Variants in COL4A5 observed in about 807,000 individuals in gnomAD.
COL4A5 encodes collagen type IV alpha 5 chain.
A neutral mutation model predicts 130.2 loss-of-function variants in COL4A5; 26 were observed. That is an observed-to-expected ratio of 0.20 (90% CI 0.15 to 0.28). The LOEUF is 0.28. Among genes scored for constraint, COL4A5 ranks in the 10% least tolerant of loss-of-function variants. The pLI is 1.00. For synonymous variants in COL4A5, 496 were observed against 439.6 expected, an observed-to-expected ratio of 1.13 and a Z score of -1.60; for missense variants, 1,131 against 1,344.3, an observed-to-expected ratio of 0.84 and a Z score of 2.48.
At chrX:108,562,826 A>C in intron 3 of COL4A5, among the ~76,000 whole-genome samples, 1 of 111,723 alleles carries the variant, frequency 9.0e-6, no homozygotes, top group Non-Finnish European at 1.9e-5. Context: ...AATCAAATTT[A>C]GTTAATTTTG....
At position 108,547,667 on chromosome X, in the gene COL4A5, T is replaced by A. The variant is rs781394461; in HGVS notation, c.141+7862T>A. On this transcript the variant is annotated intron_variant, in intron 2 of 52. Coordinates refer to ENST00000328300, the MANE Select transcript of COL4A5 (RefSeq NM_033380.3). ...ATAGGGACATGTAAGTCTGCAGAGG[T>A]TTCTGCTGCCTTTTGTTCAGCTATG... Among the ~76,000 whole-genome samples, 10 of 111,666 alleles carry A rather than the reference T, an allele frequency of 9.0e-5. No homozygotes were observed. In the South Asian group the frequency reaches 3.8e-3, roughly 42 times the overall value.
intron 1 of COL4A5, among the ~76,000 whole-genome samples, chrX:108,474,834 C>T (rs745496437): frequency 1.9e-4 from 21 of 111,573 alleles, no homozygotes; most frequent in African/African-American, 5.5e-4. Flanking sequence ...GTTTTCTCAA[C>T]GTCATTTATT....
chrX:108,566,296 A>AT (rs1447056470), intron 4 of COL4A5, among the ~76,000 whole-genome samples: 2 of 107,386 alleles, frequency 1.9e-5, no homozygotes, highest in East Asian at 2.9e-4. Flanking sequence ...AATTTTAGTC[A>AT]TTTTTTTGAA....
chrX:108,643,408 C>T (rs774278991), intron 36 of COL4A5, among the ~76,000 whole-genome samples: 19 of 111,424 alleles, frequency 1.7e-4, no homozygotes, highest in African/African-American at 4.6e-4. Flanking sequence ...CTAGGGACAT[C>T]GTCATCAGGT....
rs185620683 is a variant in COL4A5, at chrX:108,630,376, T to A, written c.3246+4027T>A. 1.1e-4 allele frequency among the ~76,000 whole-genome samples: 12 copies of A among 112,091 alleles called. No homozygotes were observed. The East Asian group carries it at 3.4e-3, about 32-fold the overall frequency. Reference sequence around the variant, plus strand: ...TAACTGGTGTGAGATGGTATCTCATTGTGGTTTTGATTTGCATTTCTCTGA... The same window carrying A: ...TAACTGGTGTGAGATGGTATCTCATAGTGGTTTTGATTTGCATTTCTCTGA... On this transcript the variant is annotated intron_variant, in intron 36 of 52. Transcript: ENST00000328300.
At chrX:108,574,049 T>C (rs1330182279) in intron 9 of COL4A5, among the ~76,000 whole-genome samples, 5 of 111,774 alleles carry the variant, frequency 4.5e-5, no homozygotes, top group Admixed American at 1.9e-4. Flanking sequence ...TATGAACATA[T>C]TTTGAAGGCT....
At chrX:108,507,666 G>A (rs916766121) in intron 1 of COL4A5, among the ~76,000 whole-genome samples, 9 of 111,007 alleles carry the variant, frequency 8.1e-5, no homozygotes, top group Middle Eastern at 4.2e-3. Context: ...ACATTAGCTG[G>A]GCATGGCAGC....
chrX:108,482,336 T>C (rs964432479), intron 1 of COL4A5, among the ~76,000 whole-genome samples: 2 of 111,200 alleles, frequency 1.8e-5, no homozygotes, highest in Non-Finnish European at 3.8e-5. Context: ...AATGGAGGTG[T>C]TGGGGGTAGC....
chrX:108,454,923 A>G (rs750860773), intron 1 of COL4A5, among the ~76,000 whole-genome samples: 1 of 111,796 alleles, frequency 8.9e-6, no homozygotes, highest in African/African-American at 3.2e-5. Flanking sequence ...TACTTCTATG[A>G]TTTTAAAGCA....
intron 42 of COL4A5, among the ~76,000 whole-genome samples, chrX:108,671,194 G>A (rs1228507251): frequency 9.0e-6 from 1 of 111,438 alleles, no homozygotes; most frequent in East Asian, 2.8e-4. Flanking sequence ...TACCTAATTA[G>A]CAGTAAAAAA....
At chrX:108,575,087 C>G (rs768460172) in intron 9 of COL4A5, among the ~76,000 whole-genome samples, 7 of 111,141 alleles carry the variant, frequency 6.3e-5, no homozygotes, top group Admixed American at 5.8e-4. Flanking sequence ...CTGTGCCCAG[C>G]CTACAATTTT....
rs1448455762 is a variant in COL4A5, at chrX:108,516,377, T to G, written c.82-23369T>G. Among the ~76,000 whole-genome samples the G allele has an allele frequency of 2.7e-5, 3 of 112,119 alleles. No individual in the cohort carries two copies. In the East Asian group the frequency reaches 8.4e-4, roughly 31 times the overall value. On this transcript the variant is annotated intron_variant, in intron 1 of 52. Coordinates refer to ENST00000328300, the MANE Select transcript of COL4A5 (RefSeq NM_033380.3). Reference sequence around the variant, plus strand: ...TTCTTATTATCATGGTACTGTGGTCTTTTTGTTTGCTTCTTTTATCTGTGA... The same window carrying G: ...TTCTTATTATCATGGTACTGTGGTCGTTTTGTTTGCTTCTTTTATCTGTGA...
chrX:108,481,062 G>A (rs2064885052), intron 1 of COL4A5, among the ~76,000 whole-genome samples: 1 of 111,236 alleles, frequency 9.0e-6, no homozygotes, highest in African/African-American at 3.3e-5. Flanking sequence ...TCCAGAACTG[G>A]GGAAATGACC....
intron 1 of COL4A5, among the ~76,000 whole-genome samples, chrX:108,499,170 AT>A (rs779762055): frequency 9.0e-6 from 1 of 111,386 alleles, no homozygotes; most frequent in African/African-American, 3.3e-5. Flanking sequence ...AGTTCCCTCT[AT>A]TTTTAGTTTG....
intron 1 of COL4A5, among the ~76,000 whole-genome samples, chrX:108,488,470 A>C (rs1231221929): frequency 8.9e-6 from 1 of 112,189 alleles, no homozygotes; most frequent in African/African-American, 3.2e-5. Flanking sequence ...GTTGGGTTGG[A>C]TAGTATGGAC....
chrX:108,451,906 A>G (rs975675417), intron 1 of COL4A5, among the ~76,000 whole-genome samples: 22 of 111,899 alleles, frequency 2.0e-4, no homozygotes, highest in Non-Finnish European at 3.6e-4. Context: ...TGTTTTAGAC[A>G]TGAAGTCCTT....
At chrX:108,640,283 G>A (rs2147902030) in intron 36 of COL4A5, among the ~76,000 whole-genome samples, 1 of 111,607 alleles carries the variant, frequency 9.0e-6, no homozygotes, top group African/African-American at 3.3e-5. Context: ...AAATAAGCCA[G>A]TTATAAAAAG....
At chrX:108,571,707 G>A (rs368541565) in intron 7 of COL4A5, 104 bp from the exon 8 acceptor site, 7 of 629,700 alleles carry the variant, frequency 1.1e-5, no homozygotes, top group Middle Eastern at 3.4e-4. Context: ...CAGAAATGAC[G>A]CTACAGCAGT....
chrX:108,569,975 C>T (rs1419021157), intron 6 of COL4A5, among the ~76,000 whole-genome samples: 2 of 111,495 alleles, frequency 1.8e-5, no homozygotes, highest in African/African-American at 6.5e-5. Context: ...CCACCGCGCC[C>T]GGCCAGATCT....
Sources: allele counts gnomAD v4.1 joint callset (sites outside exome capture counted in the v4.1 genomes callset), GRCh38; gene constraint gnomAD v4.1.1; transcripts MANE v1.5; gene names NCBI Gene and HGNC (gene_info 2026-07-23, HGNC 2026-07-21).